The following MACF1 variants were observed in gnomAD, a reference collection of about 807,000 sequenced individuals.
MACF1 encodes microtubule-actin cross-linking factor 1.
In MACF1, 193 loss-of-function variants were observed where a neutral mutation model predicts 854.8. The observed-to-expected ratio is 0.23, with a 90% CI of 0.20 to 0.25. The LOEUF is 0.25. Among genes scored for constraint, MACF1 ranks in the 10% least tolerant of loss-of-function variants. The pLI is 1.00. For synonymous variants in MACF1, 3,185 were observed against 3,226.7 expected (o/e 0.99, Z 0.44); for missense variants, 7,722 against 8,929.1 (o/e 0.86, Z 5.45).
chr1:39,420,339 C>G (rs567362582), intron 58 of MACF1, among the ~76,000 whole-genome samples: 1 of 152,242 alleles, frequency 6.6e-6, no homozygotes, highest in East Asian at 1.9e-4. Flanking sequence ...TTTATTGTAC[C>G]AAAAGCAGCT....
chr1:39,350,706 C>A, intron 42 of MACF1, 79 bp from the exon 43 acceptor site: 3 of 1,005,858 alleles, frequency 3.0e-6, no homozygotes, highest in Non-Finnish European at 4.6e-6. Context: ...GTCATCCTAG[C>A]CATTCCATCT....
chr1:39,449,224 A>T (rs977426073), intron 84 of MACF1, among the ~76,000 whole-genome samples: 5 of 152,160 alleles, frequency 3.3e-5, no homozygotes, highest in Non-Finnish European at 5.9e-5. Context: ...ATTCCATTGT[A>T]CAGATGAGAA....
chr1:39,252,343 C>T (rs138001494), intron 4 of MACF1, among the ~76,000 whole-genome samples: 1 of 152,168 alleles, frequency 6.6e-6, no homozygotes, highest in African/African-American at 2.4e-5. Context: ...AACTGGTACT[C>T]TCCACCTCTC....
In MACF1 at chr1:39,388,002, G is replaced by C. The variant is rs1442110965; in HGVS notation, c.15160G>C (p.Ala5054Pro). 1 of 1,614,152 alleles carries C rather than the reference G, an allele frequency of 6.2e-7. No individual in the cohort carries two copies. Among genetic ancestry groups the C allele is most frequent in the Non-Finnish European group, 8.5e-7 (1 of 1,180,032 alleles). Residue 5054 changes from alanine to proline, a missense_variant, in exon 58 of 101, where the codon GCT becomes CCT. Physicochemically the swap from Ala to Pro is conservative, Grantham distance 27. This residue lies in a region of MACF1 where 2,807 missense variants were observed against 3,235.8 expected (regional missense o/e 0.87). Transcript: ENST00000564288. ...CAACAAGAACCTGGAGAAGCTAAGA[G>C]CTCAACAGGAAGTGCTGCAGGCCCT... The part of the protein sequence containing the change: ...CSNKNLEKLR[A>P]QQEVLQALEP...
intron 58 of MACF1, among the ~76,000 whole-genome samples, chr1:39,400,166 A>T (rs1642421841): frequency 6.6e-6 from 1 of 152,236 alleles, no homozygotes; most frequent in Non-Finnish European, 1.5e-5. Context: ...TACTTACTCA[A>T]TTAGTTGACA....
intron 11 of MACF1, 143 bp from the exon 12 acceptor site, chr1:39,284,940 T>C: frequency 8.7e-7 from 1 of 1,146,196 alleles, no homozygotes; most frequent in Non-Finnish European, 1.3e-6. Flanking sequence ...CTGATACATA[T>C]TTGATTGTTT....
At chr1:39,183,558 T>C (rs903889301) in intron 2 of MACF1, among the ~76,000 whole-genome samples, 2 of 151,952 alleles carry the variant, frequency 1.3e-5, no homozygotes, top group African/African-American at 4.9e-5. Context: ...TTTGCAATCA[T>C]TTTTTTGCAG....
Position 39,151,644 on chromosome 1 carries a change from TG to T in MACF1, c.220+67207del, listed in dbSNP as rs1362101752. Among the ~76,000 whole-genome samples, 3 of 152,368 alleles carry T rather than the reference TG, an allele frequency of 2.0e-5. No individual in the cohort carries two copies. In the East Asian group the frequency reaches 5.8e-4, roughly 29 times the overall value. On this transcript the variant is annotated intron_variant, in intron 2 of 93. Transcript: ENST00000361689. ...CCTCACTCTTAATTCTCTGTGGCCC[TG>T]AGGTCCCAGTTCAAGCATCATCTCC... is the stretch of plus-strand genomic sequence containing the variant.
At chr1:39,154,440 T>C (rs1416774256) in intron 2 of MACF1, 1 of 152,196 alleles carries the variant, frequency 6.6e-6, no homozygotes, top group Non-Finnish European at 1.5e-5. Context: ...TTCCTTGATC[T>C]TGCTGTCCAG....
intron 2 of MACF1, among the ~76,000 whole-genome samples, chr1:39,184,338 C>T (rs79734238): frequency 0.017 from 2,651 of 152,222 alleles, 81 homozygotes; most frequent in African/African-American, 0.061. Context: ...AAATGAGCCT[C>T]ACATGGTCAT....
chr1:39,269,357 G>C (rs1199671133), intron 6 of MACF1: 1 of 1,289,872 alleles, frequency 7.8e-7, no homozygotes, highest in South Asian at 1.2e-5. Flanking sequence ...CAGAGGGCTG[G>C]AGTGTGGAGG....
rs1363931392 is a variant in MACF1, at chr1:39,441,261, A to G, written c.18608A>G (p.Lys6203Arg). The change falls in exon 74 of 101, where the codon AAA (lysine) becomes AGA (arginine). Residue 6203 changes from lysine (K) to arginine (R), a missense_variant. Coordinates refer to ENST00000564288, the MANE Select transcript of MACF1 (RefSeq NM_001394062.1). ...TGGGAGAACTTAAACAAAACATGGA[A>G]AGAGAGGCTAGAAAAACTTGAGGAT... The part of the protein sequence containing the change: ...NAWENLNKTW[K>R]ERLEKLEDAM... 3.7e-6 allele frequency: 6 copies of G among 1,614,188 alleles called. No individual in the cohort carries two copies. The Admixed American group carries it at 6.7e-5, about 18-fold the overall frequency.
chr1:39,222,305 T>C (rs1644663142), intron 1 of MACF1, among the ~76,000 whole-genome samples: 1 of 152,080 alleles, frequency 6.6e-6, no homozygotes, highest in African/African-American at 2.4e-5. Flanking sequence ...TTGTATTTTT[T>C]GTAGAGACAG....
rs1242724628 is a variant in MACF1, at chr1:39,468,819, G to C, written c.21889+87G>C. On this transcript the variant is annotated intron_variant, in intron 96 of 100. Coordinates refer to ENST00000564288, the MANE Select transcript of MACF1 (RefSeq NM_001394062.1). Reference sequence around the variant, plus strand: ...GCTTACAGGAAGCATTGATGGTGGGGTCTGTCTGTTTTTTATTTTGTTAAG... The same window carrying C: ...GCTTACAGGAAGCATTGATGGTGGGCTCTGTCTGTTTTTTATTTTGTTAAG... The C allele has an allele frequency of 6.6e-6, 8 of 1,220,328 alleles. No homozygotes were observed. In the East Asian group the frequency reaches 1.6e-4, roughly 25 times the overall value. The allele number at this position is 1,220,328 out of a possible 1,614,324, so 75.6% of individuals were successfully genotyped here. A position where few individuals can be genotyped will look rare whatever the true frequency, so the allele number is the denominator to read the frequency against.
At chr1:39,416,141 C>G (rs1315712882) in intron 58 of MACF1, among the ~76,000 whole-genome samples, 3 of 152,136 alleles carry the variant, frequency 2.0e-5, no homozygotes, top group African/African-American at 7.2e-5. Flanking sequence ...TTAAGATAAT[C>G]TGGCCTTGCT....
intron 22 of MACF1, among the ~76,000 whole-genome samples, chr1:39,302,332 A>G (rs1341300141): frequency 6.6e-6 from 1 of 152,208 alleles, no homozygotes; most frequent in Non-Finnish European, 1.5e-5. Flanking sequence ...GTCCTAGCAC[A>G]TAGTAGACAC....
chr1:39,417,751 G>GTTT (rs1557643514), intron 58 of MACF1, among the ~76,000 whole-genome samples: 1 of 101,064 alleles, frequency 9.9e-6, no homozygotes, highest in Non-Finnish European at 2.0e-5. Context: ...TTTTTTTTTG[G>GTTT]ATTTTTAGTA....
intron 2 of MACF1, among the ~76,000 whole-genome samples, chr1:39,195,900 T>G (rs565752747): frequency 6.6e-6 from 1 of 152,270 alleles, no homozygotes; most frequent in South Asian, 2.1e-4. Flanking sequence ...ATTAGACAGA[T>G]TAGGTAATTT....
At chr1:39,245,175 G>A (rs1181501110) in intron 2 of MACF1, among the ~76,000 whole-genome samples, 1 of 152,218 alleles carries the variant, frequency 6.6e-6, no homozygotes, top group African/African-American at 2.4e-5. Flanking sequence ...GGGCCTTGGT[G>A]TGAAATTAAC....
Sources: allele counts gnomAD v4.1 joint callset (sites outside exome capture counted in the v4.1 genomes callset), GRCh38; gene constraint gnomAD v4.1.1; regional missense constraint gnomAD v4.1.1; transcripts MANE v1.5; gene names NCBI Gene and HGNC (gene_info 2026-07-23, HGNC 2026-07-21).